SCARA5: variants seen among roughly 807,000 people sequenced by gnomAD.
SCARA5 encodes scavenger receptor class A member 5.
A neutral mutation model predicts 46.3 loss-of-function variants in SCARA5; 45 were observed. That is an observed-to-expected ratio of 0.97 (90% CI 0.76 to 1.24). The LOEUF (loss-of-function observed/expected upper bound fraction) is 1.24, where lower values mean the gene tolerates loss of function less well. Among genes scored for constraint, SCARA5 ranks in the 50% most tolerant of loss-of-function variants. The probability of loss-of-function intolerance (pLI) is 0.00; values close to 1 mark genes in which losing one functional copy is unlikely to be tolerated. For synonymous variants in SCARA5, 333 were observed against 306.5 expected (o/e 1.09, Z -0.90); for missense variants, 680 against 689.0 (o/e 0.99, Z 0.15).
At chr8:27,945,292 G>A (rs1366552083) in intron 3 of SCARA5, among the ~76,000 whole-genome samples, 2 of 151,980 alleles carry the variant, frequency 1.3e-5, no homozygotes, top group Admixed American at 6.6e-5. Context: ...AGCTTTTGGT[G>A]GCAGGCATGT....
intron 3 of SCARA5, among the ~76,000 whole-genome samples, chr8:27,932,897 C>A (rs1345994457): frequency 6.6e-6 from 1 of 152,236 alleles, no homozygotes; most frequent in African/African-American, 2.4e-5. Flanking sequence ...TCCCAAAATG[C>A]TGGGATTACA....
At chr8:27,902,091 A>G (rs1222209356) in intron 7 of SCARA5, among the ~76,000 whole-genome samples, 1 of 152,022 alleles carries the variant, frequency 6.6e-6, no homozygotes, top group African/African-American at 2.4e-5. Context: ...CTGCCTCTGG[A>G]GACTACTGGG....
chr8:27,921,539 C>CGTGG, intron 4 of SCARA5, 32 bp downstream of exon 4: 1 of 1,516,820 alleles, frequency 6.6e-7, no homozygotes, highest in South Asian at 1.3e-5. Context: ...CAGAAGGGGC[C>CGTGG]GTGGGTGGAG....
intron 7 of SCARA5, among the ~76,000 whole-genome samples, chr8:27,890,602 C>CCTGTACCTCG (rs1806966122): frequency 6.6e-6 from 1 of 152,134 alleles, no homozygotes; most frequent in Non-Finnish European, 1.5e-5. Context: ...CCTCCGGATC[C>CCTGTACCTCG]CTGGTTCCAG....
chr8:27,959,612 C>A (rs1054237938), intron 3 of SCARA5, among the ~76,000 whole-genome samples: 1 of 152,180 alleles, frequency 6.6e-6, no homozygotes, highest in Non-Finnish European at 1.5e-5. Flanking sequence ...GAACTGGGTT[C>A]ACTTTCCTTG....
At chr8:27,939,363 G>A (rs887801125) in intron 3 of SCARA5, among the ~76,000 whole-genome samples, 8 of 152,152 alleles carry the variant, frequency 5.3e-5, no homozygotes, top group Non-Finnish European at 8.8e-5. Flanking sequence ...CTGTGTTCAC[G>A]TGGTGTGGAC....
chr8:27,913,966 T>C (rs1428007292), intron 4 of SCARA5, among the ~76,000 whole-genome samples: 1 of 152,218 alleles, frequency 6.6e-6, no homozygotes, highest in African/African-American at 2.4e-5. Flanking sequence ...TCATGCCCAC[T>C]GATTTGGTTT....
chr8:27,881,694 CAATAA>C (rs1187891014), intron 7 of SCARA5, among the ~76,000 whole-genome samples: 2 of 152,102 alleles, frequency 1.3e-5, no homozygotes, highest in South Asian at 2.1e-4. Context: ...AAATAATAAA[CAATAA>C]AATAAAATAG....
At chr8:27,984,529 TATCCATTCATTCATCC>T (rs1808671344) in intron 2 of SCARA5, among the ~76,000 whole-genome samples, 1 of 149,782 alleles carries the variant, frequency 6.7e-6, no homozygotes, top group Admixed American at 6.7e-5. Context: ...TTCATCCATC[TATCCATTCATTCATCC>T]ATCCATCCAT....
intron 3 of SCARA5, among the ~76,000 whole-genome samples, chr8:27,926,089 C>T (rs1563528573): frequency 6.6e-6 from 1 of 152,150 alleles, no homozygotes; most frequent in African/African-American, 2.4e-5. Flanking sequence ...CCCAGCAGTG[C>T]CATTACTGGG....
At chr8:27,984,497 T>C (rs1342045874) in intron 2 of SCARA5, among the ~76,000 whole-genome samples, 10 of 113,594 alleles carry the variant, frequency 8.8e-5, no homozygotes, top group Admixed American at 1.6e-4. Flanking sequence ...TCTATTTATT[T>C]ATTCATTCAT....
intron 3 of SCARA5, among the ~76,000 whole-genome samples, chr8:27,932,914 A>G (rs1807799801): frequency 6.6e-6 from 1 of 152,250 alleles, no homozygotes; most frequent in Non-Finnish European, 1.5e-5. Context: ...TACAGGCGTC[A>G]GCCACGGCGC....
At chr8:27,928,746 A>T (rs1163766218) in intron 3 of SCARA5, among the ~76,000 whole-genome samples, 2 of 150,918 alleles carry the variant, frequency 1.3e-5, no homozygotes, top group Non-Finnish European at 3.0e-5. Flanking sequence ...GCTCACTGCA[A>T]CCTCCACCTC....
At chr8:27,931,966 AT>A (rs1208063442) in intron 3 of SCARA5, among the ~76,000 whole-genome samples, 1 of 103,846 alleles carries the variant, frequency 9.6e-6, no homozygotes, top group Non-Finnish European at 2.3e-5. Flanking sequence ...AGAACCGTGC[AT>A]TTTTAATTCT....
intron 7 of SCARA5, among the ~76,000 whole-genome samples, chr8:27,891,836 C>T (rs964158000): frequency 6.6e-5 from 10 of 152,224 alleles, no homozygotes; most frequent in African/African-American, 2.4e-4. Flanking sequence ...ATCGAGGTGG[C>T]ATTCAGTTCA....
intron 7 of SCARA5, among the ~76,000 whole-genome samples, chr8:27,886,934 C>T (rs1806905609): frequency 6.6e-6 from 1 of 152,146 alleles, no homozygotes; most frequent in African/African-American, 2.4e-5. Flanking sequence ...CTCAGATGCC[C>T]CCCAGGAGGG....
intron 4 of SCARA5, among the ~76,000 whole-genome samples, chr8:27,914,349 G>A (rs1456624591): frequency 6.6e-6 from 1 of 152,210 alleles, no homozygotes; most frequent in African/African-American, 2.4e-5. Flanking sequence ...GTCTCTTAGT[G>A]TACCATGGGC....
At chr8:27,889,897 T>A (rs1806955258) in intron 7 of SCARA5, among the ~76,000 whole-genome samples, 1 of 152,210 alleles carries the variant, frequency 6.6e-6, no homozygotes, top group African/African-American at 2.4e-5. Context: ...TGATTCTACT[T>A]CCCGTGCACA....
At chr8:27,946,315 AAAC>A (rs1220238227) in intron 3 of SCARA5, among the ~76,000 whole-genome samples, 1 of 152,244 alleles carries the variant, frequency 6.6e-6, no homozygotes, top group Non-Finnish European at 1.5e-5. Context: ...GGATTCGTGA[AAAC>A]AACTGACTTT....
Sources: allele counts gnomAD v4.1 joint callset (sites outside exome capture counted in the v4.1 genomes callset), GRCh38; gene constraint gnomAD v4.1.1; transcripts MANE v1.5; gene names NCBI Gene and HGNC (gene_info 2026-07-23, HGNC 2026-07-21).